Variants in DENND4A observed in about 807,000 individuals in gnomAD.
The protein encoded by DENND4A is C-myc promoter-binding protein.
In DENND4A, 70 loss-of-function variants were observed where a neutral mutation model predicts 199.3. The ratio of observed to expected loss-of-function variants is 0.35; its 90% CI spans 0.29 to 0.43. The LOEUF is 0.43. Among genes scored for constraint, DENND4A ranks in the 20% least tolerant of loss-of-function variants. The pLI is 1.00. For missense variants in DENND4A, 1,723 were observed against 2,255.8 expected (o/e 0.76, Z 4.78); for synonymous variants, 686 against 766.9 (o/e 0.89, Z 1.74).
At chr15:65,664,532 A>G (rs374936047) in intron 31 of DENND4A, 28 bp downstream of exon 31, 6 of 1,598,810 alleles carry the variant, frequency 3.8e-6, no homozygotes, top group Admixed American at 3.4e-5. Context: ...CTAGGAGAAC[A>G]ATATATTCGT....
At chr15:65,695,954 G>A (rs143753316) in intron 22 of DENND4A, among the ~76,000 whole-genome samples, 1 of 151,896 alleles carries the variant, frequency 6.6e-6, no homozygotes, top group Non-Finnish European at 1.5e-5. Flanking sequence ...AAAATTATTG[G>A]GTATTGTTAC....
At chr15:65,736,401 A>C (rs2076119510) in intron 7 of DENND4A, among the ~76,000 whole-genome samples, 1 of 151,276 alleles carries the variant, frequency 6.6e-6, no homozygotes, top group Non-Finnish European at 1.5e-5. Flanking sequence ...ATGAGATTAC[A>C]GGTGCCCACA....
At chr15:65,745,061 T>C (rs1442517809) in intron 4 of DENND4A, among the ~76,000 whole-genome samples, 1 of 152,344 alleles carries the variant, frequency 6.6e-6, no homozygotes, top group East Asian at 1.9e-4. Context: ...AGTTCTCATT[T>C]AGATGTACTT....
intron 32 of DENND4A, among the ~76,000 whole-genome samples, chr15:65,663,361 C>T (rs925069200): frequency 6.6e-6 from 1 of 151,678 alleles, no homozygotes; most frequent in Non-Finnish European, 1.5e-5. Flanking sequence ...AGGCATGCGC[C>T]ACCACGCCTG....
chr15:65,712,677 G>A (rs1226123892), intron 14 of DENND4A, among the ~76,000 whole-genome samples: 2 of 151,772 alleles, frequency 1.3e-5, no homozygotes, highest in Non-Finnish European at 2.9e-5. Context: ...ACTAAGAACT[G>A]AACCAATTTA....
chr15:65,675,691 A>C (rs1249290023), intron 24 of DENND4A, among the ~76,000 whole-genome samples: 2 of 152,186 alleles, frequency 1.3e-5, no homozygotes, highest in Non-Finnish European at 2.9e-5. Context: ...ACTGACTGAA[A>C]TACATTCCTC....
chr15:65,766,471 T>C (rs1041771288), intron 1 of DENND4A: 1 of 152,160 alleles, frequency 6.6e-6, no homozygotes, highest in East Asian at 1.9e-4. Context: ...GCAATAAATA[T>C]GTCAGCCCTC....
At chr15:65,679,958 A>G (rs1352205548) in intron 23 of DENND4A, among the ~76,000 whole-genome samples, 1 of 152,088 alleles carries the variant, frequency 6.6e-6, no homozygotes, top group Admixed American at 6.6e-5. Flanking sequence ...GAAATTTTGG[A>G]ATTACTTTTA....
intron 9 of DENND4A, among the ~76,000 whole-genome samples, chr15:65,731,235 A>G (rs1248998195): frequency 6.6e-6 from 1 of 152,038 alleles, no homozygotes; most frequent in East Asian, 1.9e-4. Context: ...ACATTGTCCT[A>G]TTCTACAATT....
At chr15:65,767,359 A>AT (rs1482421778) in intron 1 of DENND4A, 1 of 152,112 alleles carries the variant, frequency 6.6e-6, no homozygotes, top group African/African-American at 2.4e-5. Context: ...GAGGGTACAG[A>AT]TTTTTCTGTT....
At chr15:65,777,204 G>A (rs1202770375) in intron 1 of DENND4A, among the ~76,000 whole-genome samples, 1 of 152,006 alleles carries the variant, frequency 6.6e-6, no homozygotes, top group African/African-American at 2.4e-5. Context: ...AGCTGCCTGG[G>A]TTATAAATTT....
chr15:65,676,161 T>C (rs1216307463), intron 24 of DENND4A, among the ~76,000 whole-genome samples: 1 of 146,104 alleles, frequency 6.8e-6, no homozygotes, highest in Admixed American at 6.9e-5. Context: ...TATATATATA[T>C]ATATACCTAT....
chr15:65,664,789 G>T, intron 30 of DENND4A, 67 bp from the exon 31 acceptor site: 1 of 1,293,550 alleles, frequency 7.7e-7, no homozygotes, highest in Non-Finnish European at 1.1e-6. Flanking sequence ...AAATTAAGCA[G>T]CAACTGACAG....
chr15:65,720,706 C>G (rs969751097), intron 12 of DENND4A, among the ~76,000 whole-genome samples: 2 of 151,352 alleles, frequency 1.3e-5, no homozygotes, highest in South Asian at 2.1e-4. Context: ...GCCACTACGC[C>G]CAGTCAAGAA....
chr15:65,674,446 T>G (rs2076309824), intron 24 of DENND4A, among the ~76,000 whole-genome samples: 1 of 152,202 alleles, frequency 6.6e-6, no homozygotes, highest in South Asian at 2.1e-4. Flanking sequence ...TCAGGTGTGC[T>G]GAATTTGTGA....
intron 32 of DENND4A, among the ~76,000 whole-genome samples, chr15:65,663,735 G>A (rs1380351111): frequency 1.3e-5 from 2 of 151,762 alleles, no homozygotes; most frequent in Non-Finnish European, 2.9e-5. Context: ...CTGCAGCCTC[G>A]ACTGCCCAGG....
chr15:65,668,404 T>G (rs1261254726), intron 27 of DENND4A, among the ~76,000 whole-genome samples: 2 of 152,080 alleles, frequency 1.3e-5, no homozygotes, highest in Non-Finnish European at 2.9e-5. Flanking sequence ...AGATGGGGTT[T>G]TGCCATGTTG....
At chr15:65,702,712 T>C (rs1013758008) in intron 16 of DENND4A, among the ~76,000 whole-genome samples, 161 bp downstream of exon 16, 1 of 152,232 alleles carries the variant, frequency 6.6e-6, no homozygotes, top group Non-Finnish European at 1.5e-5. Context: ...GAGAACTAGT[T>C]AATTTCTTGA....
At chr15:65,784,294 G>C (rs1370122784) in intron 1 of DENND4A, among the ~76,000 whole-genome samples, 1 of 152,112 alleles carries the variant, frequency 6.6e-6, no homozygotes, top group Non-Finnish European at 1.5e-5. Flanking sequence ...TCGTATTCTG[G>C]ATAGGATCCT....
Sources: gnomAD v4.1 joint callset for allele counts (sites outside exome capture counted in the v4.1 genomes callset) on GRCh38, gnomAD v4.1.1 for gene constraint, MANE v1.5 for transcripts, NCBI Gene and HGNC (gene_info 2026-07-23, HGNC 2026-07-21) for gene names.